Variants in NTM observed in about 807,000 individuals in gnomAD.
The protein encoded by NTM is neurotrimin.
NTM carries 13 observed loss-of-function variants against 42.1 expected under a neutral mutation model. That is an observed-to-expected ratio of 0.31 (90% CI 0.20 to 0.49). The LOEUF is 0.49. Ranked by LOEUF, NTM falls within the 20% of genes least tolerant of loss-of-function variation. The pLI is 0.99. For synonymous variants in NTM, 187 were observed against 179.2 expected (o/e 1.04, Z -0.35); for missense variants, 373 against 452.8 (o/e 0.82, Z 1.60).
chr11:132,206,013 G>C (rs949257767), intron 3 of NTM, among the ~76,000 whole-genome samples: 1 of 152,020 alleles, frequency 6.6e-6, no homozygotes, highest in African/African-American at 2.4e-5. Context: ...CCATCTCCCT[G>C]GTTGTCCTCC....
chr11:132,055,142 G>A (rs1425507052), intron 2 of NTM, among the ~76,000 whole-genome samples: 1 of 152,214 alleles, frequency 6.6e-6, no homozygotes, highest in Non-Finnish European at 1.5e-5. Flanking sequence ...TGGATCATAT[G>A]TGGCTGTTTC....
intron 4 of NTM, among the ~76,000 whole-genome samples, chr11:132,266,866 C>G (rs1268356087): frequency 6.6e-6 from 1 of 152,152 alleles, no homozygotes. Flanking sequence ...ACATTTGAAC[C>G]AGAGAAGGCC....
At chr11:131,676,048 A>C (rs2071328078) in intron 1 of NTM, among the ~76,000 whole-genome samples, 1 of 152,198 alleles carries the variant, frequency 6.6e-6, no homozygotes, top group African/African-American at 2.4e-5. Context: ...GGTCCATGTC[A>C]CCATGGGACT....
chr11:131,705,356 C>T (rs1294920212), intron 1 of NTM, among the ~76,000 whole-genome samples: 1 of 152,072 alleles, frequency 6.6e-6, no homozygotes, highest in African/African-American at 2.4e-5. Context: ...CACTGTCAAG[C>T]AAGAATACTT....
At chr11:131,419,276 T>C (rs1476202880) in intron 1 of NTM, among the ~76,000 whole-genome samples, 1 of 152,206 alleles carries the variant, frequency 6.6e-6, no homozygotes, top group African/African-American at 2.4e-5. Context: ...AAACTGCTGG[T>C]AAATTATTTG....
intron 2 of NTM, among the ~76,000 whole-genome samples, chr11:132,075,642 T>C (rs934185726): frequency 2.0e-5 from 3 of 152,204 alleles, no homozygotes; most frequent in African/African-American, 7.2e-5. Flanking sequence ...CTGGAGAGTA[T>C]AGATAATTGC....
intron 1 of NTM, among the ~76,000 whole-genome samples, chr11:131,784,172 C>T (rs1361423647): frequency 6.6e-6 from 1 of 152,104 alleles, no homozygotes; most frequent in Admixed American, 6.6e-5. Context: ...AAGTCAAATT[C>T]TCATATATTG....
intron 7 of NTM, among the ~76,000 whole-genome samples, chr11:132,317,169 G>T (rs576437460): frequency 6.6e-6 from 1 of 152,288 alleles, no homozygotes; most frequent in African/African-American, 2.4e-5. Context: ...GACAGGGCTT[G>T]CAGGGGCCTC....
At chr11:131,750,175 C>A (rs1000336906) in intron 1 of NTM, among the ~76,000 whole-genome samples, 3 of 152,198 alleles carry the variant, frequency 2.0e-5, no homozygotes, top group African/African-American at 7.2e-5. Flanking sequence ...CAAATACTTA[C>A]CTTGCATTTA....
chr11:132,077,082 C>G (rs559764485), intron 2 of NTM, among the ~76,000 whole-genome samples: 1 of 152,216 alleles, frequency 6.6e-6, no homozygotes, highest in Non-Finnish European at 1.5e-5. Flanking sequence ...AATATTCACA[C>G]TTTACCTTAC....
chr11:132,329,154 A>G (rs888586597), intron 7 of NTM, among the ~76,000 whole-genome samples: 4 of 152,178 alleles, frequency 2.6e-5, no homozygotes, highest in Non-Finnish European at 5.9e-5. Context: ...GATGAGTTAT[A>G]TCTAGGTTGT....
chr11:131,726,240 C>T lies in NTM; in HGVS notation c.83-185324C>T, dbSNP rs141515906. ...GTTATCTGCCTAGAGCTCTCTCTAG[C>T]GACCCTATCTTTTTTGTGGCAAGTT... On this transcript the variant is annotated intron_variant, in intron 1 of 8. Coordinates refer to ENST00000683400, the MANE Select transcript of NTM (RefSeq NM_001352005.2). Among the ~76,000 whole-genome samples the T allele has an allele frequency of 5.9e-5, 9 of 152,258 alleles. No individual in the cohort carries two copies. In the East Asian group the frequency reaches 7.7e-4, roughly 13 times the overall value.
intron 1 of NTM, among the ~76,000 whole-genome samples, chr11:131,478,759 G>C (rs1953233052): frequency 6.6e-6 from 1 of 152,208 alleles, no homozygotes; most frequent in Admixed American, 6.5e-5. Context: ...CCCAGAAATG[G>C]TTACATTTCG....
intron 7 of NTM, among the ~76,000 whole-genome samples, chr11:132,320,193 C>G (rs111746931): frequency 0.028 from 4,223 of 152,320 alleles, 209 homozygotes; most frequent in African/African-American, 0.096. Context: ...TGAATAGGAA[C>G]AGCTCTGGTC....
intron 2 of NTM, among the ~76,000 whole-genome samples, chr11:132,100,625 A>T (rs2061516691): frequency 6.6e-6 from 1 of 152,322 alleles, no homozygotes. Flanking sequence ...GAATGGCCAT[A>T]TTCACAGAAG....
intron 2 of NTM, among the ~76,000 whole-genome samples, chr11:131,998,873 G>A (rs539275723): frequency 7.2e-5 from 11 of 152,252 alleles, no homozygotes; most frequent in South Asian, 2.1e-4. Context: ...CCATACCAGC[G>A]TGGGTATTAT....
intron 7 of NTM, 36 bp from the exon 8 acceptor site, chr11:132,330,117 C>A: frequency 6.4e-7 from 1 of 1,551,164 alleles, no homozygotes; most frequent in East Asian, 2.4e-5. Flanking sequence ...CGTCTGCTTT[C>A]GACCTTAACA....
chr11:131,683,938 G>A (rs746901621), intron 1 of NTM, among the ~76,000 whole-genome samples: 36 of 152,200 alleles, frequency 2.4e-4, no homozygotes, highest in Non-Finnish European at 3.4e-4. Flanking sequence ...ACTTAGAAAG[G>A]GCGTTCTGAA....
rs993009052 is a variant in NTM, at chr11:131,503,370, A to G, written c.82+132482A>G. Among the ~76,000 whole-genome samples the G allele has an allele frequency of 3.9e-5, 6 of 152,106 alleles. No individual in the cohort carries two copies. In the East Asian group the frequency reaches 1.2e-3, roughly 29 times the overall value. On this transcript the variant is annotated intron_variant, in intron 1 of 8. Coordinates refer to ENST00000683400, the MANE Select transcript of NTM (RefSeq NM_001352005.2). ...GATAAGGTTGAGTGTTGCAGTTTCC[A>G]TCTGATTGTTTCTGGCTCTGCAGTA...
Sources: gnomAD v4.1 joint callset for allele counts (sites outside exome capture counted in the v4.1 genomes callset) on GRCh38, gnomAD v4.1.1 for gene constraint, MANE v1.5 for transcripts, NCBI Gene and HGNC (gene_info 2026-07-23, HGNC 2026-07-21) for gene names.